Variants in UBE3D observed in about 807,000 individuals in gnomAD.
UBE3D encodes ubiquitin protein ligase E3D.
In UBE3D, 48 loss-of-function variants were observed where a neutral mutation model predicts 49.6. That is an observed-to-expected ratio of 0.97 (90% CI 0.77 to 1.23). The LOEUF is 1.23. Among genes scored for constraint, UBE3D ranks in the 50% most tolerant of loss-of-function variants. The pLI, the probability that UBE3D is intolerant of heterozygous loss-of-function variation, is 0.00. For missense variants in UBE3D, 452 were observed against 468.4 expected, an observed-to-expected ratio of 0.96 and a Z score of 0.32; for synonymous variants, 189 against 174.2, an observed-to-expected ratio of 1.08 and a Z score of -0.67.
rs1771045426 is a variant in UBE3D at position 82,892,977 on chromosome 6, C to A, written c.*45G>T. On this transcript the variant is annotated 3_prime_UTR_variant, in exon 10 of 10. Transcript: ENST00000369747. The stretch of plus-strand genomic sequence containing the variant: ...GACTGCTGGCCTCGGTGTGCTCCTG[C>A]TTGAGAGCTGTCTGCCGGGGGAGGA... The A allele has an allele frequency of 1.9e-6, 3 of 1,612,988 alleles. No homozygotes were observed. The highest frequency in any genetic ancestry group is 1.7e-5 in the Admixed American group (1 of 60,010).
In UBE3D at chr6:82,943,379, G is replaced by A. The variant is rs147169800; in HGVS notation, c.1149+13933C>T. 3.2e-3 allele frequency among the ~76,000 whole-genome samples: 483 copies of A among 152,278 alleles called. 2 individuals are homozygous for A. Among genetic ancestry groups the A allele is most frequent in the African/African-American group, 0.011 (466 of 41,560 alleles). On this transcript the variant is annotated intron_variant, in intron 9 of 9. Coordinates refer to ENST00000369747, the MANE Select transcript of UBE3D (RefSeq NM_198920.3). ...CAGCCAGGCACGGTGGCTCATGCCC[G>A]TAATCCTAGCACTTTTGAAGCTGAT...
intron 9 of UBE3D, among the ~76,000 whole-genome samples, chr6:82,956,189 T>C (rs1361821354): frequency 6.6e-6 from 1 of 152,188 alleles, no homozygotes; most frequent in African/African-American, 2.4e-5. Context: ...TTAGGATACA[T>C]TAATAACCCT....
intron 9 of UBE3D, among the ~76,000 whole-genome samples, chr6:82,946,723 T>C (rs1775429520): frequency 6.6e-6 from 1 of 152,040 alleles, no homozygotes; most frequent in African/African-American, 2.4e-5. Context: ...CAATAAGATA[T>C]AAACAGAAAC....
chr6:82,917,915 T>G (rs921833966), intron 9 of UBE3D, among the ~76,000 whole-genome samples: 2 of 152,222 alleles, frequency 1.3e-5, no homozygotes, highest in African/African-American at 4.8e-5. Context: ...GCTGCTATTG[T>G]AGCTGTTTTC....
the UBE3D span, among the ~76,000 whole-genome samples, chr6:82,881,493 G>A: frequency 6.6e-6 from 1 of 152,152 alleles, no homozygotes; most frequent in Non-Finnish European, 1.5e-5. Flanking sequence ...CCATAACCTG[G>A]ATACCACCTT....
intron 8 of UBE3D, among the ~76,000 whole-genome samples, chr6:82,980,396 A>G (rs546388062): frequency 2.0e-5 from 3 of 151,814 alleles, no homozygotes; most frequent in South Asian, 4.2e-4. Flanking sequence ...AAAAATGTCT[A>G]CTCATGTCCT....
At chr6:82,895,085 G>A (rs1384898760) in intron 9 of UBE3D, among the ~76,000 whole-genome samples, 3 of 152,274 alleles carry the variant, frequency 2.0e-5, no homozygotes, top group East Asian at 3.9e-4. Context: ...GCCAAGGCAG[G>A]CAGATGGCTT....
intron 9 of UBE3D, among the ~76,000 whole-genome samples, chr6:82,943,856 G>T (rs1338625184): frequency 6.6e-6 from 1 of 152,078 alleles, no homozygotes; most frequent in Non-Finnish European, 1.5e-5. Flanking sequence ...ATTAAACTCA[G>T]TGCTTCCTGG....
intron 9 of UBE3D, among the ~76,000 whole-genome samples, chr6:82,956,760 C>T (rs1256011651): frequency 6.6e-6 from 1 of 152,182 alleles, no homozygotes; most frequent in Non-Finnish European, 1.5e-5. Flanking sequence ...TGGAGTTATA[C>T]AGCTGTGAGT....
At chr6:82,881,114 G>GT in the UBE3D span, among the ~76,000 whole-genome samples, 1 of 152,168 alleles carries the variant, frequency 6.6e-6, no homozygotes, top group Admixed American at 6.6e-5. Flanking sequence ...CTTTCAGTCA[G>GT]TTGCAGGATT....
intron 8 of UBE3D, among the ~76,000 whole-genome samples, chr6:82,990,638 T>G (rs1481904739): frequency 6.6e-6 from 1 of 152,180 alleles, no homozygotes; most frequent in South Asian, 2.1e-4. Context: ...TCTCCACAGA[T>G]AGCTACTCTT....
chr6:82,916,404 T>C (rs1271704146), intron 9 of UBE3D, among the ~76,000 whole-genome samples: 1 of 152,236 alleles, frequency 6.6e-6, no homozygotes, highest in Non-Finnish European at 1.5e-5. Context: ...TCTTAACTAC[T>C]ATTACTACAG....
rs762612387 is a variant in UBE3D at position 83,019,138 on chromosome 6, T to C, written c.847-2A>G. 1.2e-6 allele frequency: 2 copies of C among 1,610,660 alleles called. No individual in the cohort carries two copies. ...ACTGTCTGAATTTAAAAGCCATAGC[T>C]AAAGATGTGAAGAGAAAGTCCAAGT... is the stretch of plus-strand genomic sequence containing the variant. On this transcript the variant is annotated splice_acceptor_variant, in intron 7 of 9. Coordinates refer to ENST00000369747, the MANE Select transcript of UBE3D (RefSeq NM_198920.3). LOFTEE classifies it high-confidence loss of function.
intron 8 of UBE3D, among the ~76,000 whole-genome samples, chr6:82,973,536 G>A (rs1348269135): frequency 2.0e-5 from 3 of 149,876 alleles, no homozygotes; most frequent in African/African-American, 4.9e-5. Flanking sequence ...ACTTCCGAAG[G>A]CCACTATTTT....
intron 3 of UBE3D, among the ~76,000 whole-genome samples, chr6:83,051,619 C>G (rs1046885247): frequency 6.6e-6 from 1 of 152,130 alleles, no homozygotes; most frequent in South Asian, 2.1e-4. Flanking sequence ...CAACCAACGC[C>G]TAAAATAGAT....
intron 9 of UBE3D, among the ~76,000 whole-genome samples, chr6:82,904,473 C>T (rs1771956859): frequency 6.6e-6 from 1 of 152,194 alleles, no homozygotes; most frequent in Non-Finnish European, 1.5e-5. Flanking sequence ...GCCTCCCCGA[C>T]ATTTACTAGC....
At chr6:83,028,957 T>C (rs920181274) in intron 5 of UBE3D, among the ~76,000 whole-genome samples, 1 of 152,200 alleles carries the variant, frequency 6.6e-6, no homozygotes, top group Non-Finnish European at 1.5e-5. Context: ...TTGGTTGTCA[T>C]TATTTCTATT....
At chr6:82,967,230 C>T (rs1484229580) in intron 8 of UBE3D, among the ~76,000 whole-genome samples, 2 of 152,194 alleles carry the variant, frequency 1.3e-5, no homozygotes, top group African/African-American at 4.8e-5. Context: ...CACCCTGCTT[C>T]CCCTAATGGT....
intron 5 of UBE3D, among the ~76,000 whole-genome samples, chr6:83,028,909 T>C (rs1372630839): frequency 1.3e-5 from 2 of 152,204 alleles, no homozygotes; most frequent in Non-Finnish European, 1.5e-5. Context: ...TCACATCTTT[T>C]TCCCCCCAGC....
Sources: allele counts gnomAD v4.1 joint callset (sites outside exome capture counted in the v4.1 genomes callset), GRCh38; gene constraint gnomAD v4.1.1; transcripts MANE v1.5; gene names NCBI Gene and HGNC (gene_info 2026-07-23, HGNC 2026-07-21).